FNIP2: variants seen among roughly 807,000 people sequenced by gnomAD.
The protein encoded by FNIP2 is folliculin interacting protein 2, also known as folliculin-interacting protein 2.
In FNIP2, 32 loss-of-function variants were observed where a neutral mutation model predicts 108.7. The observed-to-expected ratio is 0.29, with a 90% CI of 0.22 to 0.40. FNIP2 has a LOEUF of 0.40. Among genes scored for constraint, FNIP2 ranks in the 10% least tolerant of loss-of-function variants. FNIP2 has a pLI of 1.00. For missense variants in FNIP2, 1,202 were observed against 1,381.6 expected, an observed-to-expected ratio of 0.87 and a Z score of 2.06; for synonymous variants, 480 against 496.7, an observed-to-expected ratio of 0.97 and a Z score of 0.45.
chr4:158,834,598 TAA>T (rs1432932135), intron 6 of FNIP2: 1 of 152,186 alleles, frequency 6.6e-6, no homozygotes, highest in Non-Finnish European at 1.5e-5. Flanking sequence ...ATACTCTCTT[TAA>T]AATTGTGAAA....
At chr4:158,856,444 G>C (rs557530219) in intron 8 of FNIP2, among the ~76,000 whole-genome samples, 1 of 152,092 alleles carries the variant, frequency 6.6e-6, no homozygotes, top group Non-Finnish European at 1.5e-5. Flanking sequence ...AATGATTATC[G>C]ATAAGTGTTA....
At chr4:158,833,811 A>C (rs1280298669) in intron 6 of FNIP2, 183 bp downstream of exon 6, 1 of 1,515,490 alleles carries the variant, frequency 6.6e-7, no homozygotes. Flanking sequence ...GTCTGCTGCA[A>C]GCATGCAGCA....
chr4:158,890,915 AAC>A (rs983232726), intron 14 of FNIP2, among the ~76,000 whole-genome samples: 8 of 152,152 alleles, frequency 5.3e-5, no homozygotes, highest in African/African-American at 9.6e-5. Flanking sequence ...GGGCCATACA[AAC>A]ACACTGTGAT....
chr4:158,907,406 C>G lies in FNIP2; in HGVS notation c.*2862C>G, dbSNP rs1012771605. ...CACATTGCAACTTTTTAAACTTAAC[C>G]ATATTTTTCAAAATTAACGTTTTTG... On this transcript the variant is annotated 3_prime_UTR_variant, in exon 17 of 17. Transcript: ENST00000264433. 4 of 152,066 alleles carry G rather than the reference C, an allele frequency of 2.6e-5. No homozygotes were observed. The highest frequency in any genetic ancestry group is 9.7e-5 in the African/African-American group (4 of 41,404). 9.4% of individuals were successfully genotyped at this position (152,066 alleles called of 1,614,324 possible). A position where few individuals can be genotyped will look rare whatever the true frequency, so the allele number is the denominator to read the frequency against.
Position 158,859,093 on chromosome 4 carries a change from C to G in FNIP2, c.894C>G (p.Thr298=). The G allele has an allele frequency of 6.2e-7, 1 of 1,613,972 alleles. No individual in the cohort carries two copies. Among genetic ancestry groups the G allele is most frequent in the African/African-American group, 1.3e-5 (1 of 75,046 alleles). ...TDETFSLAEE[T]CSSNPAMVRR... is the part of the protein sequence containing the mutation. ...AGACATTCAGCTTGGCTGAAGAAAC[C>G]TGTAGCTCTAATCCAGCTATGGTTA... The change falls in exon 9 of 17, where the codon ACC becomes ACG. Residue 298 remains threonine, a synonymous_variant. Coordinates refer to ENST00000264433, the MANE Select transcript of FNIP2 (RefSeq NM_020840.3).
chr4:158,849,656 T>C (rs762389501), intron 7 of FNIP2, among the ~76,000 whole-genome samples: 2 of 152,074 alleles, frequency 1.3e-5, no homozygotes, highest in Non-Finnish European at 2.9e-5. Context: ...AAGGAAAAGC[T>C]CTCTTCTAAC....
intron 1 of FNIP2, among the ~76,000 whole-genome samples, chr4:158,807,958 A>C (rs1267847219): frequency 1.3e-5 from 2 of 152,170 alleles, no homozygotes; most frequent in East Asian, 3.9e-4. Context: ...TCTGTTTCTT[A>C]TCAAGAAAGG....
In FNIP2 at chr4:158,872,709, A is replaced by G; in HGVS notation, c.2949+2240A>G. ...TGCTTTTGAAGTAGTGTTCTGTTTA[A>G]ACTGGCGCTCTGGTCTATGGTAGTG... On this transcript the variant is annotated intron_variant, in intron 14 of 16. Transcript: ENST00000264433. 3.0e-6 allele frequency: 3 copies of G among 984,366 alleles called. No homozygotes were observed. The South Asian group carries it at 1.4e-4, about 46-fold the overall frequency. 61.0% of individuals were successfully genotyped at this position (984,366 alleles called of 1,614,324 possible). A position where few individuals can be genotyped will look rare whatever the true frequency, so the allele number is the denominator to read the frequency against.
chr4:158,789,897 T>G (rs1256397806), intron 1 of FNIP2, among the ~76,000 whole-genome samples: 7 of 152,040 alleles, frequency 4.6e-5, no homozygotes, highest in Non-Finnish European at 1.0e-4. Context: ...AGGGGTTTGC[T>G]GTACTGCTGT....
intron 14 of FNIP2, 78 bp downstream of exon 14, chr4:158,870,547 C>A: frequency 6.6e-7 from 1 of 1,507,518 alleles, no homozygotes. Flanking sequence ...GGTGTTTAGA[C>A]TGAAGAGAGA....
At chr4:158,830,106 A>G (rs1778384929) in intron 3 of FNIP2, among the ~76,000 whole-genome samples, 1 of 152,150 alleles carries the variant, frequency 6.6e-6, no homozygotes, top group Non-Finnish European at 1.5e-5. Flanking sequence ...AAAGCAGATT[A>G]TAAATGAAGG....
At chr4:158,830,025 TA>T (rs1383456353) in intron 3 of FNIP2, among the ~76,000 whole-genome samples, 1 of 152,118 alleles carries the variant, frequency 6.6e-6, no homozygotes, top group African/African-American at 2.4e-5. Flanking sequence ...GTCTGCAGTT[TA>T]AAAAGTATGG....
intron 14 of FNIP2, among the ~76,000 whole-genome samples, chr4:158,887,775 A>G (rs781480879): frequency 4.0e-4 from 60 of 151,440 alleles, no homozygotes; most frequent in Non-Finnish European, 5.9e-4. Context: ...GGAATGTTAA[A>G]TTGAATTCCA....
intron 9 of FNIP2, 71 bp downstream of exon 9, chr4:158,859,329 G>A (rs1780156853): frequency 1.4e-6 from 2 of 1,471,976 alleles, no homozygotes; most frequent in South Asian, 1.3e-5. Context: ...GAATTTCTTT[G>A]CCGATGTATC....
chr4:158,877,700 G>A (rs1781360559), intron 14 of FNIP2, among the ~76,000 whole-genome samples: 1 of 152,210 alleles, frequency 6.6e-6, no homozygotes, highest in African/African-American at 2.4e-5. Flanking sequence ...AGTCACACCT[G>A]AGAGATTTAT....
At chr4:158,826,162 C>A in intron 2 of FNIP2, 120 bp downstream of exon 2, 1 of 1,327,656 alleles carries the variant, frequency 7.5e-7, no homozygotes, top group Non-Finnish European at 1.0e-6. Context: ...ATTAATGGTT[C>A]AGAAGAAACA....
intron 14 of FNIP2, chr4:158,871,940 A>G (rs1485357779): frequency 3.0e-6 from 3 of 985,158 alleles, no homozygotes; most frequent in Non-Finnish European, 3.6e-6. Context: ...AACTGCCTAT[A>G]ACATTAAGGC....
chr4:158,823,514 G>C (rs980211910), intron 1 of FNIP2, among the ~76,000 whole-genome samples: 1 of 152,194 alleles, frequency 6.6e-6, no homozygotes, highest in Non-Finnish European at 1.5e-5. Context: ...GACCTCAAGT[G>C]TTCTGCCTGC....
intron 1 of FNIP2, chr4:158,794,511 A>C (rs1776519467): frequency 6.6e-6 from 1 of 152,280 alleles, no homozygotes; most frequent in Non-Finnish European, 1.5e-5. Context: ...GTACATATGC[A>C]GGATGTGCAG....
Sources: allele counts gnomAD v4.1 joint callset (sites outside exome capture counted in the v4.1 genomes callset), GRCh38; gene constraint gnomAD v4.1.1; transcripts MANE v1.5; gene names NCBI Gene and HGNC (gene_info 2026-07-23, HGNC 2026-07-21).